Variants in CDHR3 observed in about 807,000 individuals in gnomAD.
CDHR3 encodes cadherin-related family member 3.
In CDHR3, 79 loss-of-function variants were observed where a neutral mutation model predicts 86.6. That is an observed-to-expected ratio of 0.91 (90% CI 0.76 to 1.10). The LOEUF (loss-of-function observed/expected upper bound fraction) is 1.10. Ranked by LOEUF, CDHR3 falls within the 50% of genes least tolerant of loss-of-function variation. The pLI is 0.00. For synonymous variants in CDHR3, 421 were observed against 402.4 expected (o/e 1.05, Z -0.55); for missense variants, 1,081 against 1,077.6 (o/e 1.00, Z -0.04).
chr7:106,006,645 C>T (rs1382585142), intron 8 of CDHR3, among the ~76,000 whole-genome samples: 4 of 152,218 alleles, frequency 2.6e-5, no homozygotes, highest in African/African-American at 9.6e-5. Flanking sequence ...AGGTCACGCT[C>T]ATGCAAGAGG....
In CDHR3 at chr7:106,022,435, C is replaced by T. The variant is rs747040071; in HGVS notation, c.2063C>T (p.Thr688Ile). 9 of 1,613,800 alleles carry T rather than the reference C, an allele frequency of 5.6e-6. No individual in the cohort carries two copies. The highest frequency in any genetic ancestry group is 5.0e-5 in the Admixed American group (3 of 60,024). Residue 688 changes from threonine (T) to isoleucine (I), a missense_variant, in exon 14 of 19, where the codon ACC becomes ATC. By Grantham distance (89) the Thr-to-Ile change is moderately conservative. Coordinates refer to ENST00000317716, the MANE Select transcript of CDHR3 (RefSeq NM_152750.5). ...ATTCCCCACCCAACCACTATCATCA[C>T]CACGACCCCCAGGGTAAGGGCTTTA... ...KVIPHPTTII[T>I]TTPRPRVTYQ...
At chr7:105,970,365 T>A (rs1243801508) in intron 1 of CDHR3, among the ~76,000 whole-genome samples, 1 of 152,216 alleles carries the variant, frequency 6.6e-6, no homozygotes, top group East Asian at 1.9e-4. Context: ...ACATCCTGCA[T>A]CCAGATCTTA....
intron 6 of CDHR3, among the ~76,000 whole-genome samples, chr7:105,997,880 G>A (rs1273575938): frequency 1.3e-5 from 2 of 152,018 alleles, no homozygotes; most frequent in African/African-American, 2.4e-5. Context: ...TCTCATTTTA[G>A]GTTTGAAAGA....
At chr7:106,029,543 CCTCTGT>C (rs1318231495) in intron 17 of CDHR3, among the ~76,000 whole-genome samples, 56 of 96,610 alleles carry the variant, frequency 5.8e-4, no homozygotes, top group South Asian at 3.5e-3. Context: ...CTCTCCTCCA[CCTCTGT>C]CTCTCTCTCT....
intron 5 of CDHR3, 58 bp downstream of exon 5, chr7:105,994,903 T>C (rs182040951): frequency 2.9e-4 from 398 of 1,391,864 alleles, no homozygotes; most frequent in Non-Finnish European, 3.7e-4. Context: ...AAGGAAAACA[T>C]GAGGGATAGG....
At chr7:105,965,562 G>GCCACCC (rs1826751427) in intron 1 of CDHR3, among the ~76,000 whole-genome samples, 2 of 56,306 alleles carry the variant, frequency 3.6e-5, no homozygotes, top group Non-Finnish European at 4.4e-5. Context: ...CCCAACTCAA[G>GCCACCC]CCCCACCCCC....
intron 6 of CDHR3, among the ~76,000 whole-genome samples, chr7:105,998,575 T>C (rs1461525981): frequency 6.6e-6 from 1 of 152,158 alleles, no homozygotes; most frequent in Non-Finnish European, 1.5e-5. Context: ...GTGGATCACC[T>C]GAGGTCAGGA....
intron 2 of CDHR3, among the ~76,000 whole-genome samples, chr7:105,977,490 C>A (rs1219775702): frequency 2.0e-5 from 3 of 152,184 alleles, no homozygotes; most frequent in Admixed American, 2.0e-4. Context: ...TGTCCTAGTC[C>A]TGTGCCCTCC....
In CDHR3 at chr7:106,017,507, C is replaced by T. The variant is rs748134803; in HGVS notation, c.1427-339C>T. On this transcript the variant is annotated intron_variant, in intron 11 of 18. Coordinates refer to ENST00000317716, the MANE Select transcript of CDHR3 (RefSeq NM_152750.5). ...CCAGGAAGTGGAGGTTGCAATGAGC[C>T]GAGATCGCACCACTGCACTCCAGCC... 7.3e-5 allele frequency among the ~76,000 whole-genome samples: 11 copies of T among 150,208 alleles called. No homozygotes were observed. In the South Asian group the frequency reaches 2.1e-3, roughly 29 times the overall value.
intron 1 of CDHR3, among the ~76,000 whole-genome samples, chr7:105,974,052 A>C (rs1347008155): frequency 6.6e-6 from 1 of 152,244 alleles, no homozygotes; most frequent in Non-Finnish European, 1.5e-5. Flanking sequence ...TCATTATGGA[A>C]GGCTGAGAGA....
At chr7:106,001,953 C>T (rs1833259739) in intron 7 of CDHR3, among the ~76,000 whole-genome samples, 1 of 152,128 alleles carries the variant, frequency 6.6e-6, no homozygotes, top group South Asian at 2.1e-4. Flanking sequence ...ATTTTAAATC[C>T]TCAGTTGGTT....
chr7:106,018,196 G>A, intron 12 of CDHR3, 124 bp downstream of exon 12: 3 of 709,020 alleles, frequency 4.2e-6, no homozygotes, highest in Non-Finnish European at 7.0e-6. Flanking sequence ...CGGATGTGGT[G>A]AGAAACAAGT....
chr7:105,965,572 C>CA (rs1554507760), intron 1 of CDHR3, among the ~76,000 whole-genome samples: 4 of 115,584 alleles, frequency 3.5e-5, no homozygotes, highest in South Asian at 4.7e-4. Context: ...GCCCCACCCC[C>CA]CCCCATGGAG....
Position 105,975,115 on chromosome 7 carries a change from A to G in CDHR3, c.249+69A>G. 3.2e-6 allele frequency: 4 copies of G among 1,266,288 alleles called. No homozygotes were observed. In the South Asian group the frequency reaches 4.8e-5, roughly 15 times the overall value. The allele number at this position is 1,266,288 out of a possible 1,614,324, so 78.4% of individuals were successfully genotyped here. A position where few individuals can be genotyped will look rare whatever the true frequency, so the allele number is the denominator to read the frequency against. On this transcript the variant is annotated intron_variant, in intron 2 of 18. Transcript: ENST00000317716. ...GATCCTGAAAATGAGGGTGGATGGG[A>G]TGCCAGATCAGTGATTAATTCCTCC...
At chr7:106,008,586 G>T (rs1834302929) in intron 8 of CDHR3, among the ~76,000 whole-genome samples, 1 of 152,092 alleles carries the variant, frequency 6.6e-6, no homozygotes, top group Admixed American at 6.6e-5. Flanking sequence ...CATGTAGTAG[G>T]TTCCTATCCC....
intron 1 of CDHR3, among the ~76,000 whole-genome samples, chr7:105,965,146 A>G (rs138537092): frequency 7.6e-4 from 115 of 152,294 alleles, no homozygotes; most frequent in African/African-American, 2.6e-3. Context: ...TTGTTTTTGG[A>G]AGGGCTACTG....
At chr7:106,004,794 C>A in intron 8 of CDHR3, 107 bp downstream of exon 8, 1 of 1,066,522 alleles carries the variant, frequency 9.4e-7, no homozygotes. Context: ...TTTGGAGAAA[C>A]AGCTCAGTAG....
chr7:106,001,421 G>A, intron 6 of CDHR3, 41 bp from the exon 7 acceptor site: 1 of 1,608,970 alleles, frequency 6.2e-7, no homozygotes, highest in Non-Finnish European at 8.5e-7. Flanking sequence ...ACCTTCCCGT[G>A]CCCCTGGAAA....
chr7:106,030,082 T>C lies in CDHR3; in HGVS notation c.2305-710T>C, dbSNP rs1459256838. On this transcript the variant is annotated intron_variant, in intron 17 of 18. Transcript: ENST00000317716. This position sits in a 1 kb window ranked among gnomAD's most constrained non-coding sequence, Gnocchi z 4.8. ...CTGGAGATTGGAAAGCTTGCTAAAC[T>C]CCAAACACAATCCTTGTTACTGTGC... is the stretch of plus-strand genomic sequence containing the variant. Among the ~76,000 whole-genome samples the C allele has an allele frequency of 2.0e-5, 3 of 152,126 alleles. No homozygotes were observed. Among genetic ancestry groups the C allele is most frequent in the African/African-American group, 7.2e-5 (3 of 41,420 alleles).
Sources: allele counts gnomAD v4.1 joint callset (sites outside exome capture counted in the v4.1 genomes callset), GRCh38; gene constraint gnomAD v4.1.1; non-coding constraint Gnocchi (gnomAD v3.1); transcripts MANE v1.5; gene names NCBI Gene and HGNC (gene_info 2026-07-23, HGNC 2026-07-21).